Variants in UNC13C observed in about 807,000 individuals in gnomAD.
UNC13C encodes unc-13 homolog C.
Under a neutral mutation model 245.4 loss-of-function variants are expected in UNC13C, and 174 were observed. The ratio of observed to expected loss-of-function variants is 0.71; its 90% CI spans 0.63 to 0.80. The LOEUF (loss-of-function observed/expected upper bound fraction) is 0.80, where lower values mean the gene tolerates loss of function less well. Ranked by LOEUF, UNC13C falls within the 30% of genes least tolerant of loss-of-function variation. The probability of loss-of-function intolerance (pLI) is 0.00; values close to 1 mark genes in which losing one functional copy is unlikely to be tolerated. For synonymous variants in UNC13C, 992 were observed against 895.1 expected (o/e 1.11, Z -1.93); for missense variants, 2,829 against 2,602.9 (o/e 1.09, Z -1.89).
At chr15:54,338,340 A>C (rs138585306) in intron 16 of UNC13C, 21 bp from the exon 17 acceptor site, 25 of 1,595,318 alleles carry the variant, frequency 1.6e-5, no homozygotes, top group Non-Finnish European at 2.0e-5. Context: ...ATTTGAGAAA[A>C]TAAATGTCTG....
At chr15:54,018,440 AG>A (rs1474732318) in intron 2 of UNC13C, among the ~76,000 whole-genome samples, 1 of 152,246 alleles carries the variant, frequency 6.6e-6, no homozygotes, top group East Asian at 1.9e-4. Context: ...CAGGATCCAG[AG>A]GACCAGAAAA....
chr15:54,118,225 A>G (rs2030413388), intron 2 of UNC13C, among the ~76,000 whole-genome samples: 1 of 152,034 alleles, frequency 6.6e-6, no homozygotes, highest in Non-Finnish European at 1.5e-5. Flanking sequence ...GAGTATATTT[A>G]ATCTGTGGAT....
At chr15:54,327,655 G>C (rs1252431849) in intron 14 of UNC13C, among the ~76,000 whole-genome samples, 1 of 152,066 alleles carries the variant, frequency 6.6e-6, no homozygotes, top group African/African-American at 2.4e-5. Flanking sequence ...GAAAGGCAGG[G>C]CTGAAATAAG....
intron 2 of UNC13C, among the ~76,000 whole-genome samples, chr15:54,041,837 T>C (rs758197604): frequency 1.1e-4 from 16 of 152,336 alleles, no homozygotes; most frequent in Non-Finnish European, 2.1e-4. Flanking sequence ...ATTTTAAAAT[T>C]GATAAAGTAA....
intron 22 of UNC13C, among the ~76,000 whole-genome samples, chr15:54,501,353 A>G (rs888384170): frequency 4.6e-5 from 7 of 152,172 alleles, no homozygotes; most frequent in Non-Finnish European, 8.8e-5. Context: ...TGCAATGTAT[A>G]TTGAACTTGG....
chr15:54,193,648 ATAGC>A (rs1427220950), intron 4 of UNC13C, among the ~76,000 whole-genome samples: 2 of 152,168 alleles, frequency 1.3e-5, no homozygotes, highest in Non-Finnish European at 2.9e-5. Flanking sequence ...AACTAATTGA[ATAGC>A]TAGGCAACTT....
intron 2 of UNC13C, among the ~76,000 whole-genome samples, chr15:54,088,824 A>G (rs1899398007): frequency 6.6e-6 from 1 of 152,226 alleles, no homozygotes; most frequent in Admixed American, 6.5e-5. Flanking sequence ...CTTTTCTTGC[A>G]TAGTTTACTG....
chr15:54,211,489 A>G (rs1188047565), intron 4 of UNC13C, among the ~76,000 whole-genome samples: 6 of 152,108 alleles, frequency 3.9e-5, no homozygotes, highest in Admixed American at 1.3e-4. Flanking sequence ...TCCTAGTATC[A>G]AGTTATCCTA....
the UNC13C span, among the ~76,000 whole-genome samples, chr15:53,924,335 G>A: frequency 3.3e-5 from 5 of 152,148 alleles, no homozygotes; most frequent in African/African-American, 7.2e-5. Flanking sequence ...CAGAAACCTC[G>A]TAATCTTTTT....
intron 1 of UNC13C, among the ~76,000 whole-genome samples, chr15:53,980,720 A>G (rs2140945436): frequency 1.3e-5 from 2 of 152,304 alleles, no homozygotes; most frequent in African/African-American, 4.8e-5. Flanking sequence ...AACTCCTTCC[A>G]GAGATCATCA....
chr15:54,010,588 T>A (rs1157185338), intron 1 of UNC13C, among the ~76,000 whole-genome samples: 1 of 152,208 alleles, frequency 6.6e-6, no homozygotes. Context: ...TCACCATTGC[T>A]GAGGCAGATG....
At chr15:54,622,478 T>G in intron 31 of UNC13C, 59 bp downstream of exon 31, 1 of 1,211,074 alleles carries the variant, frequency 8.3e-7, no homozygotes, top group African/African-American at 1.5e-5. Context: ...GCAGTACTGA[T>G]ATCAGCAATG....
the UNC13C span, among the ~76,000 whole-genome samples, chr15:53,895,666 G>A: frequency 2.0e-5 from 3 of 152,262 alleles, no homozygotes; most frequent in South Asian, 6.2e-4. Flanking sequence ...GATAGCTGAA[G>A]AATGAATAGT....
chr15:54,060,347 G>A (rs1287690308), intron 2 of UNC13C, among the ~76,000 whole-genome samples: 2 of 152,138 alleles, frequency 1.3e-5, no homozygotes, highest in Non-Finnish European at 2.9e-5. Flanking sequence ...CATTTATGCA[G>A]CCAACAGACA....
At position 54,516,802 on chromosome 15, in the gene UNC13C, A is replaced by AAAAAAAAG. The variant is rs1393682018; in HGVS notation, c.5457+4979_5457+4980insGAAAAAAA. Among the ~76,000 whole-genome samples the AAAAAAAAG allele has an allele frequency of 1.3e-3, 195 of 151,622 alleles. 5 individuals carry two copies. Among genetic ancestry groups the AAAAAAAAG allele is most frequent in the African/African-American group, 4.5e-3 (186 of 41,312 alleles). On this transcript the variant is annotated intron_variant, in intron 24 of 32. Coordinates refer to ENST00000260323, the MANE Select transcript of UNC13C (RefSeq NM_001080534.3). ...AAAACGGAGTGAGATGCTGTCTCAAAAAAAAAAAAAGTATCAGATAATTAG... is the reference window on the plus strand; with the variant it reads ...AAAACGGAGTGAGATGCTGTCTCAAAAAAAAAAGAAAAAAAAAAGTATCAGATAATTAG...
intron 2 of UNC13C, among the ~76,000 whole-genome samples, chr15:54,126,491 GA>G (rs2031051573): frequency 6.6e-6 from 1 of 151,978 alleles, no homozygotes; most frequent in South Asian, 2.1e-4. Flanking sequence ...TGACACAAAG[GA>G]AAAACAAACA....
the UNC13C span, among the ~76,000 whole-genome samples, chr15:53,855,068 G>A: frequency 2.6e-5 from 4 of 152,074 alleles, no homozygotes; most frequent in African/African-American, 9.7e-5. Context: ...TTGTGAATGG[G>A]AGTTCATTCA....
chr15:54,318,595 T>G (rs2038069150), intron 13 of UNC13C, among the ~76,000 whole-genome samples: 1 of 151,968 alleles, frequency 6.6e-6, no homozygotes, highest in Admixed American at 6.6e-5. Flanking sequence ...GCTACTGAGT[T>G]ATTCAAGGTT....
At chr15:54,157,902 G>C (rs1475040507) in intron 4 of UNC13C, among the ~76,000 whole-genome samples, 1 of 152,206 alleles carries the variant, frequency 6.6e-6, no homozygotes, top group East Asian at 1.9e-4. Context: ...GCCATATGTA[G>C]AAAGAGAATT....
Sources: gnomAD v4.1 joint callset for allele counts (sites outside exome capture counted in the v4.1 genomes callset) on GRCh38, gnomAD v4.1.1 for gene constraint, MANE v1.5 for transcripts, NCBI Gene and HGNC (gene_info 2026-07-23, HGNC 2026-07-21) for gene names.